The following POMP variants were observed in gnomAD, a reference collection of about 807,000 sequenced individuals.
POMP encodes proteasome maturation protein, also known as 2510048O06Rik.
POMP carries 12 observed loss-of-function variants against 20.6 expected under a neutral mutation model. The observed-to-expected ratio is 0.58, with a 90% CI of 0.37 to 0.94. POMP has a LOEUF of 0.94. Ranked by LOEUF, POMP falls within the 40% of genes least tolerant of loss-of-function variation. The pLI, the probability that POMP is intolerant of heterozygous loss-of-function variation, is 0.01. For synonymous variants in POMP, 53 were observed against 55.0 expected (o/e 0.96, Z 0.16); for missense variants, 136 against 161.1 (o/e 0.84, Z 0.84).
chr13:28,662,606 G>T (rs990015846), intron 2 of POMP, 99 bp downstream of exon 2: 1 of 1,006,792 alleles, frequency 9.9e-7, no homozygotes, highest in Non-Finnish European at 1.6e-6. Context: ...TATTTAGTTG[G>T]CAGATGGCAA....
At position 28,664,576 on chromosome 13, in the gene POMP, ATAT is replaced by A. The variant is rs1566107347; in HGVS notation, c.162+14_162+16del. 7 of 1,455,056 alleles carry A rather than the reference ATAT, an allele frequency of 4.8e-6. No individual in the cohort carries two copies. The highest frequency in any genetic ancestry group is 1.4e-5 in the African/African-American group (1 of 71,160). The allele number at this position is 1,455,056 out of a possible 1,614,324, so 90.1% of individuals were successfully genotyped here. On this transcript the variant is annotated splice_region_variant and intron_variant, in intron 3 of 5. Coordinates refer to ENST00000380842, the MANE Select transcript of POMP (RefSeq NM_015932.6). Reference sequence around the variant, plus strand: ...TGAATTATCAGAAAAAAATGTAAGTATATTATTATGTCCTTATTTTTATCTTCT... The same window carrying A: ...TGAATTATCAGAAAAAAATGTAAGTATATTATGTCCTTATTTTTATCTTCT...
chr13:28,673,316 G>A lies in POMP; in HGVS notation c.358+884G>A, dbSNP rs546864636. 5.9e-5 allele frequency among the ~76,000 whole-genome samples: 9 copies of A among 152,068 alleles called. No homozygotes were observed. In the South Asian group the frequency reaches 8.3e-4, roughly 14 times the overall value. ...GAACTCCTGACCTTGTGATCTGCCCGCCTCGGCCTCCCAAAGTGCTGGGAT... is the reference window on the plus strand; with the variant it reads ...GAACTCCTGACCTTGTGATCTGCCCACCTCGGCCTCCCAAAGTGCTGGGAT... On this transcript the variant is annotated intron_variant, in intron 5 of 5. Transcript: ENST00000380842.
In POMP at chr13:28,664,033, A is replaced by G. The variant is rs762684744; in HGVS notation, c.102-476A>G. Among the ~76,000 whole-genome samples the G allele has an allele frequency of 6.3e-4, 96 of 152,212 alleles. 1 individual carries two copies. Among genetic ancestry groups the G allele is most frequent in the Non-Finnish European group, 1.2e-3 (82 of 68,040 alleles). ...TGGTTCTAGTTGTGCCTTACCTAAC[A>G]TACTTTATACATAGTAGGTGTTCAG... is the stretch of plus-strand genomic sequence containing the variant. On this transcript the variant is annotated intron_variant, in intron 2 of 5. Transcript: ENST00000380842.
chr13:28,669,782 C>G (rs1265434146), intron 4 of POMP, among the ~76,000 whole-genome samples: 2 of 152,168 alleles, frequency 1.3e-5, no homozygotes, highest in African/African-American at 4.8e-5. Context: ...GACCCTATTT[C>G]CTACTTGTTG....
Position 28,664,585 on chromosome 13 carries a change from T to A in POMP, c.162+16T>A, listed in dbSNP as rs772240072. The A allele has an allele frequency of 7.2e-7, 1 of 1,396,440 alleles. No homozygotes were observed. The highest frequency in any genetic ancestry group is 1.2e-5 in the South Asian group (1 of 81,966). 86.5% of individuals were successfully genotyped at this position (1,396,440 alleles called of 1,614,324 possible). On this transcript the variant is annotated intron_variant, in intron 3 of 5. Transcript: ENST00000380842. The stretch of plus-strand genomic sequence containing the variant: ...AGAAAAAAATGTAAGTATATTATTA[T>A]GTCCTTATTTTTATCTTCTAATAGA...
intron 5 of POMP, 141 bp from the exon 6 acceptor site, chr13:28,677,894 C>T (rs1484851171): frequency 3.7e-6 from 3 of 820,476 alleles, no homozygotes; most frequent in African/African-American, 1.7e-5. Flanking sequence ...AGTCACCCCA[C>T]CCCAGCCCCA....
intron 3 of POMP, among the ~76,000 whole-genome samples, chr13:28,666,225 C>T (rs972482199): frequency 1.3e-5 from 2 of 152,188 alleles, no homozygotes; most frequent in African/African-American, 4.8e-5. Context: ...GTGACTTGCT[C>T]TGTAAAACTT....
At chr13:28,673,070 CTT>C (rs34619603) in intron 5 of POMP, among the ~76,000 whole-genome samples, 6,019 of 126,386 alleles carry the variant, frequency 0.048, 392 homozygotes, top group African/African-American at 0.16. Flanking sequence ...AGGAATCTGT[CTT>C]TTTTTTTTTT....
At chr13:28,677,707 C>CA (rs1272375077) in intron 5 of POMP, among the ~76,000 whole-genome samples, 1 of 152,094 alleles carries the variant, frequency 6.6e-6, no homozygotes, top group African/African-American at 2.4e-5. Context: ...AAACTTTTGT[C>CA]AATCTGTTTT....
chr13:28,659,888 G>GCCATCCAT (rs1884303775), intron 1 of POMP: 1 of 152,200 alleles, frequency 6.6e-6, no homozygotes, highest in Non-Finnish European at 1.5e-5. Flanking sequence ...CTGCTGGTAG[G>GCCATCCAT]CCATCCATCC....
chr13:28,671,297 T>C (rs1405875067), intron 4 of POMP, among the ~76,000 whole-genome samples: 1 of 152,212 alleles, frequency 6.6e-6, no homozygotes, highest in Non-Finnish European at 1.5e-5. Context: ...AGGATTATTC[T>C]GAAGATTAAA....
intron 5 of POMP, among the ~76,000 whole-genome samples, chr13:28,676,494 T>A (rs1362416154): frequency 1.3e-5 from 2 of 152,252 alleles, no homozygotes; most frequent in African/African-American, 4.8e-5. Flanking sequence ...GAGATTTTTT[T>A]CTTGTTAACA....
Position 28,678,460 on chromosome 13 carries a change from T to C in POMP, c.*358T>C, listed in dbSNP as rs1355621002. ...TATAAGCATTTGAGTCTATAAACTT[T>C]ATAGTAGCATCTTTCAGAATAAACA... is the stretch of plus-strand genomic sequence containing the variant. On this transcript the variant is annotated 3_prime_UTR_variant, in exon 6 of 6. Coordinates refer to ENST00000380842, the MANE Select transcript of POMP (RefSeq NM_015932.6). The C allele has an allele frequency of 8.4e-6, 2 of 238,458 alleles. No individual in the cohort carries two copies. The highest frequency in any genetic ancestry group is 2.3e-5 in the African/African-American group (1 of 43,278). 14.8% of individuals were successfully genotyped at this position (238,458 alleles called of 1,614,324 possible).
intron 1 of POMP, among the ~76,000 whole-genome samples, chr13:28,660,807 G>A (rs760871408): frequency 6.6e-6 from 1 of 152,134 alleles, no homozygotes; most frequent in Non-Finnish European, 1.5e-5. Context: ...TTCAGACATC[G>A]ATGAACCAAC....
intron 1 of POMP, 117 bp from the exon 2 acceptor site, chr13:28,662,293 C>T (rs1248904962): frequency 1.4e-6 from 1 of 703,662 alleles, no homozygotes; most frequent in African/African-American, 1.8e-5. Flanking sequence ...CTAGTCTGGA[C>T]TTTTTGAGGG....
intron 4 of POMP, among the ~76,000 whole-genome samples, chr13:28,669,110 C>T (rs1020647242): frequency 1.3e-5 from 2 of 150,858 alleles, no homozygotes; most frequent in Non-Finnish European, 3.0e-5. Context: ...TCTTTTAAAA[C>T]AAAAAAAAAT....
At chr13:28,673,231 C>T (rs768722761) in intron 5 of POMP, among the ~76,000 whole-genome samples, 29 of 151,918 alleles carry the variant, frequency 1.9e-4, no homozygotes, top group Non-Finnish European at 2.4e-4. Context: ...TCACCACACC[C>T]GGCTAATTTT....
In POMP at chr13:28,668,589, C is replaced by A; in HGVS notation, c.264+15C>A. ...CAGTGCAGCAGGTGAGTTGATGGATCTCTGTTGCATATGTGTCGATATCAT... is the reference window on the plus strand; with the variant it reads ...CAGTGCAGCAGGTGAGTTGATGGATATCTGTTGCATATGTGTCGATATCAT... On this transcript the variant is annotated intron_variant, in intron 4 of 5. Coordinates refer to ENST00000380842, the MANE Select transcript of POMP (RefSeq NM_015932.6). 6.5e-7 allele frequency: 1 copy of A among 1,540,816 alleles called. No individual in the cohort carries two copies. Among genetic ancestry groups the A allele is most frequent in the South Asian group, 1.1e-5 (1 of 89,486 alleles).
intron 1 of POMP, chr13:28,659,928 T>G (rs1884304306): frequency 6.6e-6 from 1 of 152,242 alleles, no homozygotes; most frequent in African/African-American, 2.4e-5. Context: ...TGGTAAATAC[T>G]GCTAATCGTT....
Sources: gnomAD v4.1 joint callset for allele counts (sites outside exome capture counted in the v4.1 genomes callset) on GRCh38, gnomAD v4.1.1 for gene constraint, MANE v1.5 for transcripts, NCBI Gene and HGNC (gene_info 2026-07-23, HGNC 2026-07-21) for gene names.